The following CTIF variants were observed in gnomAD, a reference collection of about 807,000 sequenced individuals.
CTIF encodes cap binding complex dependent translation initiation factor, also known as CBP80/20-dependent translation initiation factor.
CTIF carries 21 observed loss-of-function variants against 66.0 expected under a neutral mutation model. The observed-to-expected ratio is 0.32, with a 90% confidence interval of 0.23 to 0.46. CTIF has a LOEUF of 0.46. Among genes scored for constraint, CTIF ranks in the 20% least tolerant of loss-of-function variants. CTIF has a pLI of 1.00. For missense variants in CTIF, 739 were observed against 812.7 expected (o/e 0.91, Z 1.10); for synonymous variants, 345 against 326.4 (o/e 1.06, Z -0.62).
At chr18:48,658,579 T>G (rs2091285115) in intron 3 of CTIF, among the ~76,000 whole-genome samples, 1 of 152,078 alleles carries the variant, frequency 6.6e-6, no homozygotes, top group African/African-American at 2.4e-5. Flanking sequence ...TGGATGTGTG[T>G]ATGCATACCA....
chr18:48,649,439 A>T (rs963877129), intron 3 of CTIF, among the ~76,000 whole-genome samples: 2 of 152,240 alleles, frequency 1.3e-5, no homozygotes, highest in Non-Finnish European at 2.9e-5. Flanking sequence ...AGGTAAACAG[A>T]GCAGCTGGGG....
intron 1 of CTIF, among the ~76,000 whole-genome samples, chr18:48,554,910 C>G (rs1001015808): frequency 1.3e-5 from 2 of 152,236 alleles, no homozygotes; most frequent in Admixed American, 1.3e-4. Context: ...CAAGGTGTGC[C>G]TCCCAGTAGC....
intron 1 of CTIF, among the ~76,000 whole-genome samples, chr18:48,605,480 G>A (rs1172907911): frequency 6.6e-6 from 1 of 152,222 alleles, no homozygotes; most frequent in Non-Finnish European, 1.5e-5. Context: ...CACTCAGCCT[G>A]CTCCCTGCGG....
intron 10 of CTIF, among the ~76,000 whole-genome samples, chr18:48,845,750 C>A (rs187882364): frequency 6.6e-6 from 1 of 152,302 alleles, no homozygotes; most frequent in Non-Finnish European, 1.5e-5. Flanking sequence ...TTCCCTAAAA[C>A]CACCTCCACC....
intron 9 of CTIF, among the ~76,000 whole-genome samples, chr18:48,813,537 C>T (rs536511929): frequency 6.6e-6 from 1 of 152,332 alleles, no homozygotes; most frequent in South Asian, 2.1e-4. Context: ...CTTGGACTAG[C>T]TTGGTGTCTG....
At chr18:48,753,108 A>T (rs1418917434) in intron 7 of CTIF, among the ~76,000 whole-genome samples, 1 of 152,206 alleles carries the variant, frequency 6.6e-6, no homozygotes, top group Non-Finnish European at 1.5e-5. Flanking sequence ...GGCAGAGCTC[A>T]CTCAGGGCAT....
intron 6 of CTIF, among the ~76,000 whole-genome samples, chr18:48,675,814 G>A (rs1021906415): frequency 1.3e-5 from 2 of 152,222 alleles, no homozygotes; most frequent in African/African-American, 4.8e-5. Flanking sequence ...CAAAGTGTTG[G>A]CTTCCGCCCT....
intron 9 of CTIF, among the ~76,000 whole-genome samples, chr18:48,804,497 G>A (rs1248390528): frequency 1.3e-5 from 2 of 152,186 alleles, no homozygotes; most frequent in African/African-American, 4.8e-5. Flanking sequence ...CATGCCCCTT[G>A]GCTGGGCTGC....
intron 7 of CTIF, among the ~76,000 whole-genome samples, chr18:48,742,243 A>T (rs2092561008): frequency 1.3e-5 from 2 of 152,230 alleles, no homozygotes; most frequent in African/African-American, 4.8e-5. Flanking sequence ...TGTTGAGGCA[A>T]AGATGAGTGG....
At chr18:48,812,164 A>G (rs773884244) in intron 9 of CTIF, among the ~76,000 whole-genome samples, 1 of 152,000 alleles carries the variant, frequency 6.6e-6, no homozygotes, top group Non-Finnish European at 1.5e-5. Context: ...GGGTTTCACC[A>G]TGTTGCTCGG....
chr18:48,723,870 A>G (rs1390157914), intron 7 of CTIF, among the ~76,000 whole-genome samples: 2 of 152,184 alleles, frequency 1.3e-5, no homozygotes, highest in Non-Finnish European at 2.9e-5. Flanking sequence ...CCTCTATTAC[A>G]GTTTGGAATA....
intron 3 of CTIF, among the ~76,000 whole-genome samples, chr18:48,643,703 C>A (rs2090974174): frequency 6.6e-6 from 1 of 152,074 alleles, no homozygotes; most frequent in Admixed American, 6.6e-5. Context: ...GACTGACAGG[C>A]AGGAGGGCAG....
intron 9 of CTIF, among the ~76,000 whole-genome samples, chr18:48,767,360 C>T (rs573357155): frequency 2.0e-5 from 3 of 152,312 alleles, no homozygotes; most frequent in East Asian, 1.9e-4. Context: ...CCACCCAGCA[C>T]TGCCCTGTCA....
At chr18:48,730,532 T>C (rs974250326) in intron 7 of CTIF, among the ~76,000 whole-genome samples, 1 of 36,784 alleles carries the variant, frequency 2.7e-5, no homozygotes. Context: ...GAGGGGCCCC[T>C]GTGGTGTGAG....
At chr18:48,699,900 C>T (rs546020009) in intron 6 of CTIF, among the ~76,000 whole-genome samples, 4 of 152,368 alleles carry the variant, frequency 2.6e-5, no homozygotes, top group Admixed American at 2.6e-4. Context: ...GATCTCTGCT[C>T]AGGGCACCTG....
At chr18:48,832,358 A>G (rs1260133077) in intron 10 of CTIF, among the ~76,000 whole-genome samples, 1 of 152,010 alleles carries the variant, frequency 6.6e-6, no homozygotes, top group East Asian at 1.9e-4. Context: ...TTTTTAGTAG[A>G]GACGGGGTTT....
At chr18:48,541,923 CACTG>C (rs2145454171) in intron 1 of CTIF, among the ~76,000 whole-genome samples, 1 of 151,756 alleles carries the variant, frequency 6.6e-6, no homozygotes, top group Non-Finnish European at 1.5e-5. Flanking sequence ...CGGATGAACA[CACTG>C]AGGCTCAAAA....
chr18:48,788,195 A>G (rs1911890315), intron 9 of CTIF, among the ~76,000 whole-genome samples: 1 of 152,154 alleles, frequency 6.6e-6, no homozygotes, highest in Non-Finnish European at 1.5e-5. Flanking sequence ...TCTCTTTCCC[A>G]GAAGAGGGGT....
At chr18:48,713,817 C>A (rs1322429575) in intron 7 of CTIF, among the ~76,000 whole-genome samples, 1 of 152,232 alleles carries the variant, frequency 6.6e-6, no homozygotes, top group African/African-American at 2.4e-5. Flanking sequence ...TTCAGCTAGA[C>A]CGAAGACAGA....
Sources: allele counts gnomAD v4.1 joint callset (sites outside exome capture counted in the v4.1 genomes callset), GRCh38; gene constraint gnomAD v4.1.1; transcripts MANE v1.5; gene names NCBI Gene and HGNC (gene_info 2026-07-23, HGNC 2026-07-21).